ATP2A3: variants seen among roughly 807,000 people sequenced by gnomAD.
ATP2A3 encodes the protein ATPase sarcoplasmic/endoplasmic reticulum Ca2+ transporting 3.
ATP2A3 carries 61 observed loss-of-function variants against 106.8 expected under a neutral mutation model. The ratio of observed to expected loss-of-function variants is 0.57; its 90% CI spans 0.46 to 0.71. The LOEUF (loss-of-function observed/expected upper bound fraction) is 0.71, where lower values mean the gene tolerates loss of function less well. Among genes scored for constraint, ATP2A3 ranks in the 30% least tolerant of loss-of-function variants. The pLI, the probability that ATP2A3 is intolerant of heterozygous loss-of-function variation, is 0.00. For synonymous variants in ATP2A3, 611 were observed against 609.3 expected (o/e 1.00, Z -0.04); for missense variants, 1,201 against 1,423.5 (o/e 0.84, Z 2.52).
rs1462940678 is a variant in ATP2A3 at position 3,928,330 on chromosome 17, G to A, written c.2980+333C>T. 2 of 1,612,268 alleles carry A rather than the reference G, an allele frequency of 1.2e-6. No individual in the cohort carries two copies. Among genetic ancestry groups the A allele is most frequent in the Non-Finnish European group, 1.7e-6 (2 of 1,179,656 alleles). ...GAGAAGGCCTGGATAAAGACAGGCT[G>A]GGTGCAGAGGGGTCAGAGGCTGAGG... On this transcript the variant is annotated intron_variant, in intron 20 of 20. Transcript: ENST00000397041. The surrounding 1 kb of genome is among the most constrained non-coding windows in gnomAD (Gnocchi z 6.1).
chr17:3,962,686 G>A (rs78677134), intron 1 of ATP2A3, among the ~76,000 whole-genome samples: 27 of 151,148 alleles, frequency 1.8e-4, no homozygotes, highest in South Asian at 8.5e-4. Flanking sequence ...TTCCTCCTCC[G>A]CTGGACCAAT....
At chr17:3,959,761 A>G (rs2055036779) in intron 1 of ATP2A3, among the ~76,000 whole-genome samples, 1 of 152,210 alleles carries the variant, frequency 6.6e-6, no homozygotes, top group African/African-American at 2.4e-5. Flanking sequence ...GGGTCCACCT[A>G]GAGTGGACAC....
chr17:3,957,581 C>T (rs1002037414), intron 1 of ATP2A3, among the ~76,000 whole-genome samples: 1 of 152,230 alleles, frequency 6.6e-6, no homozygotes, highest in Non-Finnish European at 1.5e-5. Context: ...CCTGCTCAGG[C>T]CTGATCTGCT....
chr17:3,936,821 G>A lies in ATP2A3; in HGVS notation c.2322-352C>T, dbSNP rs6502756. On this transcript the variant is annotated intron_variant, in intron 15 of 20. Coordinates refer to ENST00000397041, the MANE Select transcript of ATP2A3 (RefSeq NM_005173.4). This position sits in a 1 kb window ranked among gnomAD's most constrained non-coding sequence, Gnocchi z 5.4. ...AAACCTAGCACATGCCACACCATCCGGCAAACACAAGCAAACACCTACATA... is the reference window on the plus strand; with the variant it reads ...AAACCTAGCACATGCCACACCATCCAGCAAACACAAGCAAACACCTACATA... The A allele has an allele frequency of 1.6e-5, 6 of 370,930 alleles. No individual in the cohort carries two copies. The East Asian group carries it at 3.6e-4, about 22-fold the overall frequency. 23.0% of individuals were successfully genotyped at this position (370,930 alleles called of 1,614,324 possible). A position where few individuals can be genotyped will look rare whatever the true frequency, so the allele number is the denominator to read the frequency against.
intron 7 of ATP2A3, among the ~76,000 whole-genome samples, chr17:3,948,092 T>TCA (rs2054220043): frequency 6.6e-6 from 1 of 152,110 alleles, no homozygotes; most frequent in African/African-American, 2.4e-5. Context: ...CCCCAGTGCC[T>TCA]AGCACGGGGC....
chr17:3,925,153 C>A lies in ATP2A3; in HGVS notation c.*269G>T. 3.3e-6 allele frequency: 2 copies of A among 598,556 alleles called. No homozygotes were observed. Among genetic ancestry groups the A allele is most frequent in the Non-Finnish European group, 5.9e-6 (2 of 340,384 alleles). The allele number at this position is 598,556 out of a possible 1,614,324, so 37.1% of individuals were successfully genotyped here. On this transcript the variant is annotated 3_prime_UTR_variant, in exon 21 of 21. Transcript: ENST00000397041. This position sits in a 1 kb window ranked among gnomAD's most constrained non-coding sequence, Gnocchi z 4.2. ...TTCTTGGCTGCCCCCTCCCAGCCTG[C>A]AGCTCCTGGGCCAGAGCTGCAGAGC...
chr17:3,951,832 G>A (rs1021688493), intron 3 of ATP2A3, 147 bp from the exon 4 acceptor site: 52 of 851,802 alleles, frequency 6.1e-5, no homozygotes, highest in African/African-American at 1.7e-4. Context: ...CCACTCCTCC[G>A]AGAAGGCCTT....
chr17:3,931,096 C>T (rs986028194), intron 17 of ATP2A3, among the ~76,000 whole-genome samples: 1 of 151,178 alleles, frequency 6.6e-6, no homozygotes, highest in Non-Finnish European at 1.5e-5. Flanking sequence ...GCAGAGATCG[C>T]GTCACTGCAC....
Position 3,928,637 on chromosome 17 carries a change from G to C in ATP2A3, c.2980+26C>G. The C allele has an allele frequency of 6.5e-7, 1 of 1,532,494 alleles. No homozygotes were observed. The highest frequency in any genetic ancestry group is 8.8e-7 in the Non-Finnish European group (1 of 1,130,810). 94.9% of individuals were successfully genotyped at this position (1,532,494 alleles called of 1,614,324 possible). ...CAGAGGCGGGCGGGGAGGCAGGCTG[G>C]AGGCGGGACGGGGCCTCCCACTCAC... On this transcript the variant is annotated intron_variant, in intron 20 of 20. Transcript: ENST00000397041. The surrounding 1 kb of genome is among the most constrained non-coding windows in gnomAD (Gnocchi z 6.1).
chr17:3,942,783 C>G, intron 11 of ATP2A3, 52 bp from the exon 12 acceptor site: 1 of 1,603,956 alleles, frequency 6.2e-7, no homozygotes, highest in South Asian at 1.1e-5. Flanking sequence ...GCAACTCTCG[C>G]CTGCCTTCCC....
chr17:3,942,726 G>C lies in ATP2A3; in HGVS notation c.1425C>G (p.Ile475Met). 6.2e-7 allele frequency: 1 copy of C among 1,613,024 alleles called. No individual in the cohort carries two copies. Among genetic ancestry groups the C allele is most frequent in the Non-Finnish European group, 8.5e-7 (1 of 1,179,876 alleles). The change falls in exon 12 of 21, where the codon ATC (isoleucine) becomes ATG (methionine). Residue 475 changes from isoleucine to methionine, a missense_variant. Transcript: ENST00000397041. ...TGAACTCCTTCCGCATCAGCTGCTT[G>C]ATGACCTGCGGGGTCCAGGCAGGTC... Reference protein sequence around the residue: ...VERAGACNTVIKQLMRKEFTL... With the variant: ...VERAGACNTVMKQLMRKEFTL...
rs2052706691 is a variant in ATP2A3 at position 3,926,334 on chromosome 17, C to G, written c.2981-893G>C. On this transcript the variant is annotated intron_variant, in intron 20 of 20. Coordinates refer to ENST00000397041, the MANE Select transcript of ATP2A3 (RefSeq NM_005173.4). The surrounding 1 kb of genome is among the most constrained non-coding windows in gnomAD (Gnocchi z 4.6). ...CTGCAGTAGCGCTGGGCAGGGCTGT[C>G]TGGGCTTCCAGTGAGCACATTCCTC... 6.6e-6 allele frequency among the ~76,000 whole-genome samples: 1 copy of G among 152,202 alleles called. No homozygotes were observed. Among genetic ancestry groups the G allele is most frequent in the African/African-American group, 2.4e-5 (1 of 41,458 alleles).
chr17:3,929,625 G>A lies in ATP2A3; in HGVS notation c.2745-180C>T, dbSNP rs921059712. Among the ~76,000 whole-genome samples the A allele has an allele frequency of 6.6e-6, 1 of 152,118 alleles. No individual in the cohort carries two copies. Among genetic ancestry groups the A allele is most frequent in the Non-Finnish European group, 1.5e-5 (1 of 68,004 alleles). ...CTGCCCCTCAGACCTAATCTTGGCC[G>A]ATTTCTTTGGACCCCAGTTTCAGCC... is the stretch of plus-strand genomic sequence containing the variant. On this transcript the variant is annotated intron_variant, in intron 18 of 20. Transcript: ENST00000397041. This position sits in a 1 kb window ranked among gnomAD's most constrained non-coding sequence, Gnocchi z 4.3.
chr17:3,937,268 A>T, intron 15 of ATP2A3, 148 bp downstream of exon 15: 1 of 905,656 alleles, frequency 1.1e-6, no homozygotes, highest in Non-Finnish European at 1.7e-6. Context: ...TCCCCTGTCC[A>T]CTCCAAGGTG....
At position 3,953,275 on chromosome 17, in the gene ATP2A3, G is replaced by C; in HGVS notation, c.219+72C>G. 6.5e-7 allele frequency: 1 copy of C among 1,539,710 alleles called. No individual in the cohort carries two copies. The highest frequency in any genetic ancestry group is 1.4e-5 in the African/African-American group (1 of 73,390). On this transcript the variant is annotated intron_variant, in intron 3 of 20. Coordinates refer to ENST00000397041, the MANE Select transcript of ATP2A3 (RefSeq NM_005173.4). The surrounding 1 kb of genome is among the most constrained non-coding windows in gnomAD (Gnocchi z 5.1). ...GACAGGCCCAGGCTCCAGGACCTCG[G>C]AGCACTGCCCAGCCTGGCTCTCCCT... is the stretch of plus-strand genomic sequence containing the variant.
intron 1 of ATP2A3, among the ~76,000 whole-genome samples, chr17:3,957,521 A>C (rs1449368319): frequency 1.3e-5 from 2 of 152,098 alleles, no homozygotes; most frequent in African/African-American, 4.8e-5. Context: ...TCCTGTCCAA[A>C]AGGCCCTGCT....
chr17:3,937,205 G>A, intron 15 of ATP2A3: 1 of 629,202 alleles, frequency 1.6e-6, no homozygotes. Flanking sequence ...GGGTGCTGGG[G>A]TGACCATGAT....
At chr17:3,954,387 C>G (rs1412718391) in intron 1 of ATP2A3, among the ~76,000 whole-genome samples, 1 of 151,420 alleles carries the variant, frequency 6.6e-6, no homozygotes, top group Non-Finnish European at 1.5e-5. Context: ...CTCCATCGAG[C>G]TCAGTGAAGA....
At chr17:3,938,620 A>G (rs2053575006) in intron 14 of ATP2A3, among the ~76,000 whole-genome samples, 1 of 150,932 alleles carries the variant, frequency 6.6e-6, no homozygotes, top group African/African-American at 2.4e-5. Flanking sequence ...ATCTCGGCTC[A>G]CTGCAACCTC....
Sources: allele counts gnomAD v4.1 joint callset (sites outside exome capture counted in the v4.1 genomes callset), GRCh38; gene constraint gnomAD v4.1.1; non-coding constraint Gnocchi (gnomAD v3.1); transcripts MANE v1.5; gene names NCBI Gene and HGNC (gene_info 2026-07-23, HGNC 2026-07-21).